Variants in BRINP1 observed in about 807,000 individuals in gnomAD.
BRINP1 encodes BMP/retinoic acid inducible neural specific 1, also known as BMP/retinoic acid-inducible neural-specific protein 1.
BRINP1 carries 17 observed loss-of-function variants against 72.9 expected under a neutral mutation model. The ratio of observed to expected loss-of-function variants is 0.23; its 90% CI spans 0.16 to 0.35. BRINP1 has a LOEUF of 0.35. Ranked by LOEUF, BRINP1 falls within the 10% of genes least tolerant of loss-of-function variation. The pLI, the probability that BRINP1 is intolerant of heterozygous loss-of-function variation, is 1.00. For synonymous variants in BRINP1, 418 were observed against 378.5 expected, an observed-to-expected ratio of 1.10 and a Z score of -1.21; for missense variants, 850 against 1,001.6, an observed-to-expected ratio of 0.85 and a Z score of 2.04.
At chr9:119,300,951 C>G (rs959986541) in intron 2 of BRINP1, among the ~76,000 whole-genome samples, 1 of 152,236 alleles carries the variant, frequency 6.6e-6, no homozygotes, top group African/African-American at 2.4e-5. Flanking sequence ...CTCAATTTCT[C>G]AATGCTTTAC....
At chr9:119,320,283 C>T (rs1317460962) in intron 1 of BRINP1, among the ~76,000 whole-genome samples, 1 of 152,152 alleles carries the variant, frequency 6.6e-6, no homozygotes, top group Non-Finnish European at 1.5e-5. Flanking sequence ...CACTCTATCT[C>T]CCTCTCATCA....
chr9:119,304,052 G>A (rs1830969001), intron 2 of BRINP1, among the ~76,000 whole-genome samples: 1 of 151,622 alleles, frequency 6.6e-6, no homozygotes, highest in Non-Finnish European at 1.5e-5. Flanking sequence ...CCTAATTTTT[G>A]TAATTTTAGT....
chr9:119,350,284 C>T (rs1038893200), intron 1 of BRINP1, among the ~76,000 whole-genome samples: 5 of 152,136 alleles, frequency 3.3e-5, no homozygotes, highest in African/African-American at 1.2e-4. Context: ...AGAGCCCTAC[C>T]CGAGAAAATC....
At chr9:119,180,161 G>A (rs1311474001) in intron 7 of BRINP1, among the ~76,000 whole-genome samples, 3 of 152,156 alleles carry the variant, frequency 2.0e-5, no homozygotes, top group African/African-American at 7.2e-5. Context: ...GCCAAGGAGA[G>A]AGGAAGAAAA....
At chr9:119,340,546 T>A (rs1412331323) in intron 1 of BRINP1, among the ~76,000 whole-genome samples, 1 of 152,160 alleles carries the variant, frequency 6.6e-6, no homozygotes, top group African/African-American at 2.4e-5. Flanking sequence ...TCATAACTGC[T>A]GAAAAAGGGT....
chr9:119,175,857 T>G (rs1197762780), intron 7 of BRINP1, among the ~76,000 whole-genome samples: 2 of 152,266 alleles, frequency 1.3e-5, no homozygotes, highest in East Asian at 3.9e-4. Flanking sequence ...ACAGGGTATA[T>G]TCACTCCAAT....
chr9:119,289,474 A>G (rs146635620), intron 2 of BRINP1, among the ~76,000 whole-genome samples: 3 of 152,188 alleles, frequency 2.0e-5, no homozygotes, highest in African/African-American at 7.2e-5. Flanking sequence ...AAACTATTGC[A>G]ATTATGGGAC....
At chr9:119,290,200 A>G (rs1303087023) in intron 2 of BRINP1, among the ~76,000 whole-genome samples, 1 of 152,228 alleles carries the variant, frequency 6.6e-6, no homozygotes, top group African/African-American at 2.4e-5. Context: ...TAAGAATTGC[A>G]TGTCTATGGC....
At chr9:119,346,588 C>T (rs758585319) in intron 1 of BRINP1, among the ~76,000 whole-genome samples, 4 of 151,920 alleles carry the variant, frequency 2.6e-5, no homozygotes, top group African/African-American at 4.8e-5. Flanking sequence ...CCAGAGTTGG[C>T]CAAAGGTGGA....
intron 7 of BRINP1, among the ~76,000 whole-genome samples, chr9:119,173,729 T>C (rs999992140): frequency 2.1e-5 from 3 of 144,970 alleles, no homozygotes; most frequent in African/African-American, 8.3e-5. Flanking sequence ...TCACACTACC[T>C]GACTTCAAAC....
chr9:119,246,892 A>C (rs145202247), intron 3 of BRINP1, among the ~76,000 whole-genome samples: 14 of 152,346 alleles, frequency 9.2e-5, no homozygotes, highest in African/African-American at 3.1e-4. Flanking sequence ...GGGAACATTT[A>C]GGGCCTACTG....
At chr9:119,353,463 C>G (rs774980665) in intron 1 of BRINP1, among the ~76,000 whole-genome samples, 10 of 152,106 alleles carry the variant, frequency 6.6e-5, no homozygotes, top group Non-Finnish European at 4.4e-5. Flanking sequence ...TGACACTTAC[C>G]AAAGATCACA....
At chr9:119,231,010 C>A (rs1006873007) in intron 5 of BRINP1, among the ~76,000 whole-genome samples, 1 of 151,980 alleles carries the variant, frequency 6.6e-6, no homozygotes, top group Non-Finnish European at 1.5e-5. Flanking sequence ...GGGGAAATAC[C>A]TTATGACATT....
chr9:119,357,238 T>C (rs1157506719), intron 1 of BRINP1, among the ~76,000 whole-genome samples: 3 of 152,194 alleles, frequency 2.0e-5, no homozygotes, highest in Admixed American at 1.3e-4. Flanking sequence ...TCTTTATACA[T>C]GCACGTGTGC....
intron 1 of BRINP1, among the ~76,000 whole-genome samples, chr9:119,332,005 G>A (rs1831304283): frequency 6.6e-6 from 1 of 152,174 alleles, no homozygotes; most frequent in Non-Finnish European, 1.5e-5. Flanking sequence ...ATCAGCTGAG[G>A]CCATTGCTGA....
chr9:119,204,274 A>G (rs889211795), intron 7 of BRINP1, among the ~76,000 whole-genome samples: 2 of 152,186 alleles, frequency 1.3e-5, no homozygotes, highest in Non-Finnish European at 2.9e-5. Context: ...ATAATAGATA[A>G]TAACATAGTG....
intron 2 of BRINP1, among the ~76,000 whole-genome samples, chr9:119,286,437 T>C (rs759062682): frequency 2.1e-4 from 32 of 152,172 alleles, no homozygotes; most frequent in Non-Finnish European, 4.3e-4. Flanking sequence ...GGTTTCACCA[T>C]GTTAGCCAGG....
At chr9:119,325,130 G>A (rs1371993222) in intron 1 of BRINP1, among the ~76,000 whole-genome samples, 1 of 151,102 alleles carries the variant, frequency 6.6e-6, no homozygotes, top group Non-Finnish European at 1.5e-5. Flanking sequence ...GAGAGAGAGA[G>A]AGAAAGAGAG....
At chr9:119,237,852 G>A (rs1588173501) in intron 5 of BRINP1, among the ~76,000 whole-genome samples, 1 of 151,562 alleles carries the variant, frequency 6.6e-6, no homozygotes, top group African/African-American at 2.4e-5. Context: ...AGTAGAGACT[G>A]GGCTTCACCA....
Sources: gnomAD v4.1 joint callset for allele counts (sites outside exome capture counted in the v4.1 genomes callset) on GRCh38, gnomAD v4.1.1 for gene constraint, MANE v1.5 for transcripts, NCBI Gene and HGNC (gene_info 2026-07-23, HGNC 2026-07-21) for gene names.